NOX1: variants seen among roughly 807,000 people sequenced by gnomAD.
The protein encoded by NOX1 is NADPH oxidase 1.
Under a neutral mutation model 42.5 loss-of-function variants are expected in NOX1, and 34 were observed. The ratio of observed to expected loss-of-function variants is 0.80; its 90% CI spans 0.61 to 1.07. The LOEUF (loss-of-function observed/expected upper bound fraction) is 1.07, where lower values mean the gene tolerates loss of function less well. Among genes scored for constraint, NOX1 ranks in the 50% least tolerant of loss-of-function variants. The pLI is 0.00. For synonymous variants in NOX1, 143 were observed against 152.5 expected, an observed-to-expected ratio of 0.94 and a Z score of 0.46; for missense variants, 408 against 427.0, an observed-to-expected ratio of 0.96 and a Z score of 0.39.
chrX:100,863,340 C>T (rs907901214), intron 3 of NOX1, 97 bp from the exon 4 acceptor site: 2 of 902,364 alleles, frequency 2.2e-6, no homozygotes, highest in African/African-American at 3.9e-5. Flanking sequence ...CATGCCAATA[C>T]TCACCCGCAC....
intron 2 of NOX1, among the ~76,000 whole-genome samples, chrX:100,864,999 C>T (rs180889900): frequency 8.9e-6 from 1 of 112,379 alleles, no homozygotes; most frequent in African/African-American, 3.2e-5. Context: ...TTCCTTATAT[C>T]GTAAACCCAG....
intron 11 of NOX1, among the ~76,000 whole-genome samples, 154 bp from the exon 12 acceptor site, chrX:100,848,908 C>G: frequency 9.0e-6 from 1 of 111,406 alleles, no homozygotes; most frequent in Non-Finnish European, 1.9e-5. Context: ...AGACCCCCAT[C>G]TCTACTAAAA....
chrX:100,856,323 C>T, intron 7 of NOX1: 1 of 679,430 alleles, frequency 1.5e-6, no homozygotes, highest in South Asian at 2.2e-5. Context: ...AAGCTCAAAT[C>T]TCCAATGAAG....
chrX:100,844,675 C>T (rs1484649458), intron 12 of NOX1, among the ~76,000 whole-genome samples: 3 of 111,471 alleles, frequency 2.7e-5, no homozygotes, highest in East Asian at 5.6e-4. Context: ...TCAAGTGATC[C>T]GCCTGCCTCA....
chrX:100,863,273 G>A, intron 3 of NOX1, 30 bp from the exon 4 acceptor site: 2 of 1,101,415 alleles, frequency 1.8e-6, no homozygotes, highest in African/African-American at 1.8e-5. Flanking sequence ...ATGGTCAGAT[G>A]TCGCCAGCCA....
At chrX:100,867,095 C>A (rs943212524) in intron 2 of NOX1, among the ~76,000 whole-genome samples, 6 of 111,818 alleles carry the variant, frequency 5.4e-5, no homozygotes, top group African/African-American at 1.6e-4. Flanking sequence ...TGCAGTGGCG[C>A]GATCTCGGCT....
chrX:100,846,898 C>T (rs1393200282), intron 12 of NOX1, among the ~76,000 whole-genome samples: 1 of 87,110 alleles, frequency 1.1e-5, no homozygotes, highest in Non-Finnish European at 2.2e-5. Flanking sequence ...GTGTCAGAAC[C>T]AGAATAAGGG....
At chrX:100,847,609 A>G (rs2085082217) in intron 12 of NOX1, among the ~76,000 whole-genome samples, 1 of 108,632 alleles carries the variant, frequency 9.2e-6, no homozygotes, top group Non-Finnish European at 1.9e-5. Context: ...TACTAAAAAT[A>G]CAACAAATTA....
intron 7 of NOX1, among the ~76,000 whole-genome samples, chrX:100,861,755 G>A (rs1028404282): frequency 4.5e-4 from 51 of 112,107 alleles, no homozygotes; most frequent in African/African-American, 1.6e-3. Flanking sequence ...CTTACTGTAA[G>A]AGCTTGTCAG....
At chrX:100,871,319 T>C (rs1186149588) in intron 1 of NOX1, among the ~76,000 whole-genome samples, 1 of 112,170 alleles carries the variant, frequency 8.9e-6, no homozygotes, top group Non-Finnish European at 1.9e-5. Context: ...AAATATGTAC[T>C]ATCTAGATTT....
chrX:100,844,274 A>T (rs1025936569), intron 12 of NOX1, among the ~76,000 whole-genome samples, 196 bp from the exon 13 acceptor site: 7 of 111,529 alleles, frequency 6.3e-5, no homozygotes, highest in Non-Finnish European at 1.3e-4. Context: ...CACTCTCAGC[A>T]CTCAGCCTTC....
At position 100,870,679 on chromosome X, in the gene NOX1, A is replaced by G. The variant is rs148973522; in HGVS notation, c.141+40T>C. 9.0e-4 allele frequency: 776 copies of G among 866,432 alleles called. 2 individuals are homozygous for G. The East Asian group carries it at 0.021, about 24-fold the overall frequency. 71.4% of individuals were successfully genotyped at this position (866,432 alleles called of 1,213,427 possible). Reference sequence around the variant, plus strand: ...AAGAAGCTGGAATCAGAGATAAGGAAAACAATAGAGATTCTATCCGTGACA... The same window carrying G: ...AAGAAGCTGGAATCAGAGATAAGGAGAACAATAGAGATTCTATCCGTGACA... On this transcript the variant is annotated intron_variant, in intron 2 of 12. Transcript: ENST00000372966.
Position 100,855,398 on chromosome X carries a change from G to T in NOX1, c.805-4073C>A, listed in dbSNP as rs375101906. On this transcript the variant is annotated intron_variant, in intron 7 of 12. Coordinates refer to ENST00000372966, the MANE Select transcript of NOX1 (RefSeq NM_007052.5). ...CCTCCATCACCCTAGGGGCCAGAGC[G>T]TCTGCCCCAAAGTTTCCTCCCTTCA... 5.1e-4 allele frequency: 307 copies of T among 602,896 alleles called. 1 individual carries two copies. Among genetic ancestry groups the T allele is most frequent in the African/African-American group, 4.2e-3 (191 of 45,728 alleles). 49.7% of individuals were successfully genotyped at this position (602,896 alleles called of 1,213,427 possible). A position where few individuals can be genotyped will look rare whatever the true frequency, so the allele number is the denominator to read the frequency against.
intron 7 of NOX1, among the ~76,000 whole-genome samples, chrX:100,858,315 G>T (rs1235026524): frequency 1.8e-5 from 2 of 112,137 alleles, no homozygotes; most frequent in Non-Finnish European, 3.8e-5. Context: ...CCAGTACTAT[G>T]CTGTTTTGGT....
At chrX:100,857,399 A>G (rs1263673983) in intron 7 of NOX1, among the ~76,000 whole-genome samples, 1 of 112,036 alleles carries the variant, frequency 8.9e-6, no homozygotes, top group Non-Finnish European at 1.9e-5. Context: ...ATACTCAGTA[A>G]TGGGATTGCT....
In NOX1 at chrX:100,847,287, C is replaced by A. The variant is rs181797111; in HGVS notation, c.1568+1343G>T. 6.3e-5 allele frequency among the ~76,000 whole-genome samples: 7 copies of A among 111,829 alleles called. No individual in the cohort carries two copies. The South Asian group carries it at 2.2e-3, about 36-fold the overall frequency. ...CCTTCCTGAAGCCTTTCCTAATCAC[C>A]CCATGTGGCCGTAGACTTTTCTTCC... On this transcript the variant is annotated intron_variant, in intron 12 of 12. Coordinates refer to ENST00000372966, the MANE Select transcript of NOX1 (RefSeq NM_007052.5).
In NOX1 at chrX:100,849,440, G is replaced by A. The variant is rs760376313; in HGVS notation, c.1297-14C>T. On this transcript the variant is annotated splice_polypyrimidine_tract_variant and intron_variant, in intron 10 of 12. Coordinates refer to ENST00000372966, the MANE Select transcript of NOX1 (RefSeq NM_007052.5). Reference sequence around the variant, plus strand: ...GTAGAAATAGATCTGAAATCAGCAAGAGAGAACATAGCCTTATTAGGTGAC... The same window carrying A: ...GTAGAAATAGATCTGAAATCAGCAAAAGAGAACATAGCCTTATTAGGTGAC... The A allele has an allele frequency of 1.7e-6, 2 of 1,206,895 alleles. No homozygotes were observed. Among genetic ancestry groups the A allele is most frequent in the Non-Finnish European group, 2.2e-6 (2 of 892,364 alleles).
chrX:100,847,048 A>C (rs1221899941), intron 12 of NOX1, among the ~76,000 whole-genome samples: 13 of 111,719 alleles, frequency 1.2e-4, no homozygotes, highest in African/African-American at 4.2e-4. Context: ...AATTAGCTGG[A>C]TGTGGTGGTG....
chrX:100,870,855 T>C, intron 1 of NOX1, 41 bp from the exon 2 acceptor site: 1 of 877,171 alleles, frequency 1.1e-6, no homozygotes, highest in South Asian at 2.2e-5. Context: ...TAAAGTGAAA[T>C]TTGAGTATGG....
Sources: allele counts gnomAD v4.1 joint callset (sites outside exome capture counted in the v4.1 genomes callset), GRCh38; gene constraint gnomAD v4.1.1; transcripts MANE v1.5; gene names NCBI Gene and HGNC (gene_info 2026-07-23, HGNC 2026-07-21).